The following SCARB1 variants were observed in gnomAD, a reference collection of about 807,000 sequenced individuals.
The protein encoded by SCARB1 is scavenger receptor class B member 1.
A neutral mutation model predicts 57.2 loss-of-function variants in SCARB1; 30 were observed. That is an observed-to-expected ratio of 0.52 (90% CI 0.39 to 0.71). The LOEUF (loss-of-function observed/expected upper bound fraction) is 0.71, where lower values mean the gene tolerates loss of function less well. SCARB1 is among the 30% of genes least tolerant of loss of function. SCARB1 has a pLI of 0.00. For missense variants in SCARB1, 543 were observed against 671.2 expected (o/e 0.81, Z 2.11); for synonymous variants, 249 against 268.3 (o/e 0.93, Z 0.70).
chr12:124,811,873 G>C lies in SCARB1; in HGVS notation c.723C>G (p.Ser241Arg). 6.2e-7 allele frequency: 1 copy of C among 1,610,098 alleles called. No homozygotes were observed. The highest frequency in any genetic ancestry group is 8.5e-7 in the Non-Finnish European group (1 of 1,178,010). ...GCCCTCGCCTCTCGCCCCTCACCTTGCTCAGCCCGTTCCACTTGTCCACGA... is the reference window on the plus strand; with the variant it reads ...GCCCTCGCCTCTCGCCCCTCACCTTCCTCAGCCCGTTCCACTTGTCCACGA... ...IHLVDKWNGLSKVDFWHSDQC... is the reference protein window; with the variant it reads ...IHLVDKWNGLRKVDFWHSDQC... The change falls in exon 5 of 13, where the codon AGC (serine) becomes AGG (arginine). Residue 241 changes from serine to arginine, a missense_variant. Coordinates refer to ENST00000261693, the MANE Select transcript of SCARB1 (RefSeq NM_005505.5).
chr12:124,821,099 G>A (rs7484613), intron 1 of SCARB1, among the ~76,000 whole-genome samples: 151,047 of 152,140 alleles, frequency 0.99, 74,990 homozygotes, highest in East Asian at 1. Flanking sequence ...TCAGCCATCC[G>A]TGGTGGCAGG....
chr12:124,799,334 G>A (rs1950057240), intron 8 of SCARB1, among the ~76,000 whole-genome samples: 3 of 152,090 alleles, frequency 2.0e-5, no homozygotes, highest in Admixed American at 2.0e-4. Context: ...AGACCAGACT[G>A]GGCAACATGG....
rs1872564081 is a variant in SCARB1, at chr12:124,777,179, C to T, written c.*1408G>A. 1 of 152,178 alleles carries T rather than the reference C, an allele frequency of 6.6e-6. No homozygotes were observed. Among genetic ancestry groups the T allele is most frequent in the South Asian group, 2.1e-4 (1 of 4,830 alleles). 9.4% of individuals were successfully genotyped at this position (152,178 alleles called of 1,614,324 possible). On this transcript the variant is annotated 3_prime_UTR_variant, in exon 13 of 13. Transcript: ENST00000261693. ...ATTCCATCCTTTGCAATGATCTACA[C>T]TTAAGATGAGAACTTTTAGATGGCT...
intron 1 of SCARB1, among the ~76,000 whole-genome samples, chr12:124,848,853 A>T (rs1256522608): frequency 1.3e-5 from 2 of 152,238 alleles, no homozygotes; most frequent in African/African-American, 4.8e-5. Flanking sequence ...CCCACGGTGC[A>T]GCAAAGCGTG....
At position 124,821,456 on chromosome 12, in the gene SCARB1, C is replaced by T. The variant is rs556195089; in HGVS notation, c.127-3749G>A. ...GGCTAAACCAAGAAGTCATGGGATC[C>T]GGCCGCGTGTCCATGTCTCAATCTC... On this transcript the variant is annotated intron_variant, in intron 1 of 12. Transcript: ENST00000261693. 28 of 984,846 alleles carry T rather than the reference C, an allele frequency of 2.8e-5. No individual in the cohort carries two copies. The Admixed American group carries it at 4.9e-4, about 17-fold the overall frequency. The allele number at this position is 984,846 out of a possible 1,614,324, so 61.0% of individuals were successfully genotyped here.
chr12:124,802,101 G>GTC (rs1950152644), intron 7 of SCARB1, among the ~76,000 whole-genome samples: 1 of 145,942 alleles, frequency 6.9e-6, no homozygotes, highest in South Asian at 2.1e-4. Context: ...GGTGAGCCAA[G>GTC]ATTGCACCAT....
chr12:124,813,158 T>C (rs1181189845), intron 4 of SCARB1, among the ~76,000 whole-genome samples: 1 of 152,090 alleles, frequency 6.6e-6, no homozygotes, highest in Non-Finnish European at 1.5e-5. Flanking sequence ...TGGAGCTAGG[T>C]GTGGCCATGT....
intron 6 of SCARB1, among the ~76,000 whole-genome samples, chr12:124,809,801 G>A (rs1386947501): frequency 6.6e-6 from 1 of 152,176 alleles, no homozygotes. Flanking sequence ...GAGCCTGAAG[G>A]GGCCAAGCAG....
chr12:124,786,530 G>T, intron 10 of SCARB1, 27 bp from the exon 11 acceptor site: 1 of 1,613,358 alleles, frequency 6.2e-7, no homozygotes, highest in Non-Finnish European at 8.5e-7. Context: ...ACAAACACAT[G>T]AGCTGGGGCC....
intron 9 of SCARB1, among the ~76,000 whole-genome samples, chr12:124,790,195 T>A (rs934358316): frequency 1.3e-5 from 2 of 151,634 alleles, no homozygotes; most frequent in Non-Finnish European, 2.9e-5. Flanking sequence ...GGCAACATAG[T>A]GAGACCCCTG....
At chr12:124,835,467 C>G (rs539725161) in intron 1 of SCARB1, among the ~76,000 whole-genome samples, 5 of 151,982 alleles carry the variant, frequency 3.3e-5, no homozygotes, top group Non-Finnish European at 7.4e-5. Context: ...GTAGGGGTCT[C>G]GCTATGTTGC....
At chr12:124,798,923 T>TC (rs1393240617) in intron 8 of SCARB1, among the ~76,000 whole-genome samples, 2 of 151,508 alleles carry the variant, frequency 1.3e-5, no homozygotes, top group Non-Finnish European at 2.9e-5. Context: ...GATGGGGAAG[T>TC]CCGTCAAAGG....
Position 124,856,422 on chromosome 12 carries a change from ACACT to A in SCARB1, c.126+7169_126+7172del, listed in dbSNP as rs1271606930. On this transcript the variant is annotated intron_variant, in intron 1 of 12. Transcript: ENST00000261693. ...AACACACGTGTGTGCAAACACACAC[ACACT>A]CACGAAGACAGGGAGAGGCAAATCT... Among the ~76,000 whole-genome samples the A allele has an allele frequency of 4.6e-5, 7 of 152,398 alleles. No homozygotes were observed. The East Asian group carries it at 5.8e-4, about 13-fold the overall frequency.
Position 124,778,337 on chromosome 12 carries a change from C to A in SCARB1, c.*250G>T, listed in dbSNP as rs925483525. 1.1e-6 allele frequency: 1 copy of A among 950,694 alleles called. No homozygotes were observed. The highest frequency in any genetic ancestry group is 1.4e-6 in the Non-Finnish European group (1 of 728,656). The allele number at this position is 950,694 out of a possible 1,614,324, so 58.9% of individuals were successfully genotyped here. On this transcript the variant is annotated 3_prime_UTR_variant, in exon 13 of 13. Transcript: ENST00000261693. ...AAGGTTCCAGAACAGTGCTTGTTGACGAGCCTCTCCCTACAAGTCCCTTCA... is the reference window on the plus strand; with the variant it reads ...AAGGTTCCAGAACAGTGCTTGTTGAAGAGCCTCTCCCTACAAGTCCCTTCA...
In SCARB1 at chr12:124,807,891, A is replaced by C. The variant is rs1326148165; in HGVS notation, c.879T>G (p.Phe293Leu). The C allele has an allele frequency of 6.2e-7, 1 of 1,614,150 alleles. No homozygotes were observed. Among genetic ancestry groups the C allele is most frequent in the Non-Finnish European group, 8.5e-7 (1 of 1,180,016 alleles). The stretch of plus-strand genomic sequence containing the variant: ...CGAAGCGATAGGTGGGGATGCCTTC[A>C]AACACCCCTGACTCCTTGTACATTA... ...MKLMYKESGV[F>L]EGIPTYRFVA... Residue 293 changes from phenylalanine (F) to leucine (L), a missense_variant, in exon 7 of 13, where the codon TTT (phenylalanine) becomes TTG (leucine). Physicochemically the swap from Phe to Leu is conservative, Grantham distance 22. Transcript: ENST00000261693. The surrounding 1 kb of genome is among the most constrained non-coding windows in gnomAD (Gnocchi z 5.3).
intron 12 of SCARB1, among the ~76,000 whole-genome samples, chr12:124,780,735 G>T (rs1339189891): frequency 6.6e-6 from 1 of 152,232 alleles, no homozygotes; most frequent in Non-Finnish European, 1.5e-5. Flanking sequence ...CCCCAGTTTT[G>T]TTTGGGGGGC....
At position 124,789,899 on chromosome 12, in the gene SCARB1, T is replaced by C. The variant is rs560449279; in HGVS notation, c.1203-2442A>G. Among the ~76,000 whole-genome samples, 1 of 151,442 alleles carries C rather than the reference T, an allele frequency of 6.6e-6. No homozygotes were observed. Among genetic ancestry groups the C allele is most frequent in the East Asian group, 2.0e-4 (1 of 5,082 alleles). ...GGTGGCACATGCCTGTAATCCCAGCTACTCGGGAGGCTGAGGCAGGAGAAT... is the reference window on the plus strand; with the variant it reads ...GGTGGCACATGCCTGTAATCCCAGCCACTCGGGAGGCTGAGGCAGGAGAAT... On this transcript the variant is annotated intron_variant, in intron 9 of 12. Transcript: ENST00000261693. This position sits in a 1 kb window ranked among gnomAD's most constrained non-coding sequence, Gnocchi z 4.4.
chr12:124,788,723 A>G (rs753947670), intron 9 of SCARB1, among the ~76,000 whole-genome samples: 1 of 152,210 alleles, frequency 6.6e-6, no homozygotes, highest in Non-Finnish European at 1.5e-5. Flanking sequence ...TTGAGCCACA[A>G]CTGTTGAGTT....
At position 124,817,841 on chromosome 12, in the gene SCARB1, T is replaced by A; in HGVS notation, c.127-134A>T. 1 of 924,844 alleles carries A rather than the reference T, an allele frequency of 1.1e-6. No individual in the cohort carries two copies. Among genetic ancestry groups the A allele is most frequent in the Non-Finnish European group, 1.8e-6 (1 of 559,738 alleles). The allele number at this position is 924,844 out of a possible 1,614,324, so 57.3% of individuals were successfully genotyped here. On this transcript the variant is annotated intron_variant, in intron 1 of 12. Coordinates refer to ENST00000261693, the MANE Select transcript of SCARB1 (RefSeq NM_005505.5). This position sits in a 1 kb window ranked among gnomAD's most constrained non-coding sequence, Gnocchi z 4.8. The stretch of plus-strand genomic sequence containing the variant: ...GGCGGGAGCTTGGGATAGGAGGTGG[T>A]GGGAAAGCCCTTCGCACATGAGGCT...
Sources: gnomAD v4.1 joint callset for allele counts (sites outside exome capture counted in the v4.1 genomes callset) on GRCh38, gnomAD v4.1.1 for gene constraint, Gnocchi (gnomAD v3.1) non-coding constraint, MANE v1.5 for transcripts, NCBI Gene and HGNC (gene_info 2026-07-23, HGNC 2026-07-21) for gene names.